DDX17: variants seen among roughly 807,000 people sequenced by gnomAD.
DDX17 encodes DEAD-box helicase 17, also known as probable ATP-dependent RNA helicase DDX17.
A neutral mutation model predicts 80.8 loss-of-function variants in DDX17; 10 were observed. The ratio of observed to expected loss-of-function variants is 0.12; its 90% confidence interval spans 0.08 to 0.21. The LOEUF is 0.21. Among genes scored for constraint, DDX17 ranks in the 10% least tolerant of loss-of-function variants. DDX17 has a pLI of 1.00. For synonymous variants in DDX17, 339 were observed against 336.2 expected (o/e 1.01, Z -0.09); for missense variants, 586 against 957.4 (o/e 0.61, Z 5.12).
Position 38,485,908 on chromosome 22 carries a change from G to A in DDX17, c.*27C>T. On this transcript the variant is annotated 3_prime_UTR_variant, in exon 13 of 13. Transcript: ENST00000403230. ...TGTTCCTTAAAATGTAATTAAGTCTGCTGGAGTCACTACCACTTGAGTGGT... is the reference window on the plus strand; with the variant it reads ...TGTTCCTTAAAATGTAATTAAGTCTACTGGAGTCACTACCACTTGAGTGGT... The A allele has an allele frequency of 6.2e-7, 1 of 1,612,098 alleles. No homozygotes were observed. Among genetic ancestry groups the A allele is most frequent in the Non-Finnish European group, 8.5e-7 (1 of 1,179,400 alleles).
chr22:38,488,193 T>G (rs962170502), intron 11 of DDX17, 78 bp from the exon 12 acceptor site: 2 of 1,607,522 alleles, frequency 1.2e-6, no homozygotes, highest in Non-Finnish European at 1.7e-6. Context: ...CAACAACAGG[T>G]GGGAAGCACG....
chr22:38,495,027 G>A lies in DDX17; in HGVS notation c.900C>T (p.Ala300=). 1 of 1,613,584 alleles carries A rather than the reference G, an allele frequency of 6.2e-7. No homozygotes were observed. The highest frequency in any genetic ancestry group is 1.1e-5 in the South Asian group (1 of 91,044). Residue 300 remains alanine, a synonymous_variant, in exon 7 of 13, where the codon GCC becomes GCT. Coordinates refer to ENST00000403230, the MANE Select transcript of DDX17 (RefSeq NM_006386.5). The stretch of plus-strand genomic sequence containing the variant: ...GGAAATCTATCAGACGTCCAGGAGT[G>A]GCTATGCAGATCTCAACACCTGTAA...
Position 38,488,132 on chromosome 22 carries a change from GAGTC to G in DDX17, c.1448-21_1448-18del, listed in dbSNP as rs1569137258. 1 of 1,614,112 alleles carries G rather than the reference GAGTC, an allele frequency of 6.2e-7. No individual in the cohort carries two copies. Among genetic ancestry groups the G allele is most frequent in the Non-Finnish European group, 8.5e-7 (1 of 1,180,010 alleles). On this transcript the variant is annotated intron_variant, in intron 11 of 12. Coordinates refer to ENST00000403230, the MANE Select transcript of DDX17 (RefSeq NM_006386.5). ...CTTCCACATCTTCCACGTCAATGAT[GAGTC>G]AGTGTGTAGGTTGATGTGGCAGGGA...
At chr22:38,499,983 G>C (rs541158143) in intron 2 of DDX17, among the ~76,000 whole-genome samples, 1 of 151,364 alleles carries the variant, frequency 6.6e-6, no homozygotes, top group Admixed American at 6.6e-5. Context: ...TGGCCAACAT[G>C]GTGAAACTCC....
chr22:38,498,237 T>C, intron 4 of DDX17, 87 bp from the exon 5 acceptor site: 1 of 1,503,072 alleles, frequency 6.7e-7, no homozygotes, highest in South Asian at 1.2e-5. Flanking sequence ...AATGCATAAA[T>C]AGGAAAGTGA....
In DDX17 at chr22:38,486,318, G is replaced by A; in HGVS notation, c.1807C>T (p.Arg603Trp). The change falls in exon 13 of 13, where the codon CGG (arginine) becomes TGG (tryptophan). Residue 603 changes from arginine to tryptophan, a missense_variant. This residue lies in a region of DDX17 where 221 missense variants were observed against 261.4 expected (regional missense o/e 0.85). Transcript: ENST00000403230. ...GCTCTATCGGTTTCACTACGATCCC[G>A]ATAGCTTGCAGAGTCTCTCCGGCCA... 7 of 1,614,160 alleles carry A rather than the reference G, an allele frequency of 4.3e-6. No homozygotes were observed. The highest frequency in any genetic ancestry group is 5.9e-6 in the Non-Finnish European group (7 of 1,180,040).
In DDX17 at chr22:38,499,511, AAATG is replaced by A. The variant is rs2089805091; in HGVS notation, c.439-16_439-13del. ...TCATCAACCTCATACTATTGAAAAA[AAATG>A]AAAGAAGTTAGTAAACTAGTTATTC... On this transcript the variant is annotated splice_polypyrimidine_tract_variant and intron_variant, in intron 2 of 12. Coordinates refer to ENST00000403230, the MANE Select transcript of DDX17 (RefSeq NM_006386.5). 6.3e-7 allele frequency: 1 copy of A among 1,579,868 alleles called. No homozygotes were observed. Among genetic ancestry groups the A allele is most frequent in the African/African-American group, 1.4e-5 (1 of 72,706 alleles).
intron 1 of DDX17, among the ~76,000 whole-genome samples, chr22:38,503,969 G>C (rs2089855543): frequency 6.6e-6 from 1 of 152,180 alleles, no homozygotes; most frequent in Non-Finnish European, 1.5e-5. Flanking sequence ...AATGTCATCT[G>C]ATACTCAAAG....
Position 38,486,418 on chromosome 22 carries a change from G to A in DDX17, c.1707C>T (p.Thr569=). 6.2e-7 allele frequency: 1 copy of A among 1,610,204 alleles called. No homozygotes were observed. Among genetic ancestry groups the A allele is most frequent in the Non-Finnish European group, 8.5e-7 (1 of 1,177,666 alleles). The change falls in exon 13 of 13, where the codon ACC becomes ACT. Residue 569 remains threonine, a synonymous_variant. Coordinates refer to ENST00000403230, the MANE Select transcript of DDX17 (RefSeq NM_006386.5). The stretch of plus-strand genomic sequence containing the variant: ...GATTGGGATTGTTGGCTGAAGAAGT[G>A]GTCCGGTAACGAGAACGACCACCTA...
intron 11 of DDX17, chr22:38,490,137 G>A (rs2145690000): frequency 8.6e-7 from 1 of 1,158,284 alleles, no homozygotes; most frequent in Non-Finnish European, 1.1e-6. Flanking sequence ...ACAGGAGCAA[G>A]CGCAGAATTT....
Position 38,484,503 on chromosome 22 carries a change from C to G in DDX17, c.*1432G>C, listed in dbSNP as rs186047431. On this transcript the variant is annotated 3_prime_UTR_variant, in exon 13 of 13. Transcript: ENST00000403230. ...TAGCCAAAGAATGCAGTGGAGCCTTCCCCCTTCAACTGCATTGTGAATGAA... is the reference window on the plus strand; with the variant it reads ...TAGCCAAAGAATGCAGTGGAGCCTTGCCCCTTCAACTGCATTGTGAATGAA... The G allele has an allele frequency of 1.2e-4, 19 of 152,346 alleles. No homozygotes were observed. The East Asian group carries it at 2.7e-3, about 22-fold the overall frequency. The allele number at this position is 152,346 out of a possible 1,614,324, so 9.4% of individuals were successfully genotyped here. A position where few individuals can be genotyped will look rare whatever the true frequency, so the allele number is the denominator to read the frequency against.
chr22:38,486,176 T>TA lies in DDX17; in HGVS notation c.1948dup (p.Tyr650LeufsTer14). 1 of 1,614,180 alleles carries TA rather than the reference T, an allele frequency of 6.2e-7. No individual in the cohort carries two copies. The highest frequency in any genetic ancestry group is 8.5e-7 in the Non-Finnish European group (1 of 1,179,990). On this transcript the variant is annotated frameshift_variant, in exon 13 of 13. Transcript: ENST00000403230. LOFTEE classifies it high-confidence loss of function. ...GCCAGCACCATATTCTTGAGCTGTA[T>TA]AGCTACTGGTGCCATAAGCAGCTGC...
At chr22:38,501,313 AT>A in intron 1 of DDX17, 33 bp from the exon 2 acceptor site, 1 of 1,594,572 alleles carries the variant, frequency 6.3e-7, no homozygotes, top group Admixed American at 1.8e-5. Flanking sequence ...GTTCATCAGT[AT>A]TTTTAAAGCA....
At chr22:38,487,830 TAAAG>T in intron 12 of DDX17, 45 bp downstream of exon 12, 1 of 1,607,652 alleles carries the variant, frequency 6.2e-7, no homozygotes, top group Non-Finnish European at 8.5e-7. Flanking sequence ...ACAGAAGGCG[TAAAG>T]AGATACCTTG....
intron 12 of DDX17, among the ~76,000 whole-genome samples, chr22:38,487,077 A>G (rs1191064977): frequency 6.6e-6 from 1 of 152,204 alleles, no homozygotes; most frequent in Non-Finnish European, 1.5e-5. Context: ...CTGAAGCAGG[A>G]GAATCACTTG....
Position 38,488,124 on chromosome 22 carries a change from T to C in DDX17, c.1448-9A>G. 1 of 1,614,086 alleles carries C rather than the reference T, an allele frequency of 6.2e-7. No individual in the cohort carries two copies. The highest frequency in any genetic ancestry group is 8.5e-7 in the Non-Finnish European group (1 of 1,180,014). On this transcript the variant is annotated splice_polypyrimidine_tract_variant and intron_variant, in intron 11 of 12. Transcript: ENST00000403230. ...CTTGACATCTTCCACATCTTCCACG[T>C]CAATGATGAGTCAGTGTGTAGGTTG...
intron 1 of DDX17, among the ~76,000 whole-genome samples, chr22:38,504,215 A>G (rs1602688063): frequency 6.6e-6 from 1 of 152,166 alleles, no homozygotes; most frequent in South Asian, 2.1e-4. Flanking sequence ...TAAATGTGTC[A>G]CCCTACCACA....
intron 2 of DDX17, 77 bp from the exon 3 acceptor site, chr22:38,499,576 C>T: frequency 8.6e-7 from 1 of 1,158,242 alleles, no homozygotes; most frequent in Non-Finnish European, 1.3e-6. Context: ...GCTAGCTGAG[C>T]AATTATCCAG....
Position 38,485,880 on chromosome 22 carries a change from C to G in DDX17, c.*55G>C, listed in dbSNP as rs749250358. The G allele has an allele frequency of 1.3e-6, 2 of 1,512,248 alleles. No individual in the cohort carries two copies. The highest frequency in any genetic ancestry group is 1.8e-6 in the Non-Finnish European group (2 of 1,128,658). 93.7% of individuals were successfully genotyped at this position (1,512,248 alleles called of 1,614,324 possible). ...GCGAAGAGGAAAAAAAAAGGAAAGA[C>G]AGTGTTCCTTAAAATGTAATTAAGT... On this transcript the variant is annotated 3_prime_UTR_variant, in exon 13 of 13. Transcript: ENST00000403230.
Sources: gnomAD v4.1 joint callset for allele counts (sites outside exome capture counted in the v4.1 genomes callset) on GRCh38, gnomAD v4.1.1 for gene constraint, gnomAD v4.1.1 regional missense constraint, MANE v1.5 for transcripts, NCBI Gene and HGNC (gene_info 2026-07-23, HGNC 2026-07-21) for gene names.